ANO5: variants seen among roughly 807,000 people sequenced by gnomAD.
The protein encoded by ANO5 is anoctamin-5.
Under a neutral mutation model 121.0 loss-of-function variants are expected in ANO5, and 109 were observed. The observed-to-expected ratio is 0.90, with a 90% CI of 0.77 to 1.06. The LOEUF is 1.06. Ranked by LOEUF, ANO5 falls within the 50% of genes least tolerant of loss-of-function variation. The probability of loss-of-function intolerance (pLI) is 0.00; values close to 1 mark genes in which losing one functional copy is unlikely to be tolerated. For missense variants in ANO5, 1,064 were observed against 1,078.5 expected (o/e 0.99, Z 0.19); for synonymous variants, 406 against 359.9 (o/e 1.13, Z -1.45).
intron 1 of ANO5, among the ~76,000 whole-genome samples, chr11:22,201,536 C>A (rs1851963700): frequency 6.6e-6 from 1 of 152,006 alleles, no homozygotes; most frequent in African/African-American, 2.4e-5. Flanking sequence ...GTGTTATTCC[C>A]TTTTGTGCTG....
At chr11:22,226,155 T>C (rs1852825652) in intron 6 of ANO5, 103 bp downstream of exon 6, 2 of 932,500 alleles carry the variant, frequency 2.1e-6, no homozygotes, top group Non-Finnish European at 1.7e-6. Flanking sequence ...GGCAATACAA[T>C]AGCTCTTTTG....
chr11:22,235,843 C>T lies in ANO5; in HGVS notation c.649-320C>T, dbSNP rs960279398. Among the ~76,000 whole-genome samples, 6 of 152,102 alleles carry T rather than the reference C, an allele frequency of 3.9e-5. No homozygotes were observed. In the South Asian group the frequency reaches 1.2e-3, roughly 31 times the overall value. On this transcript the variant is annotated intron_variant, in intron 7 of 21. Transcript: ENST00000324559. ...GAACTGTTAGTAGTGACATTAGTAT[C>T]CTACTTGAAGCCCTAATTATAGTAG... is the stretch of plus-strand genomic sequence containing the variant.
At chr11:22,216,813 GT>G (rs200758957) in intron 3 of ANO5, among the ~76,000 whole-genome samples, 3,797 of 151,836 alleles carry the variant, frequency 0.025, 57 homozygotes, top group Non-Finnish European at 0.039. Context: ...TATAGTTTTA[GT>G]TTTTATGTTT....
chr11:22,276,803 T>C (rs547831704), intron 21 of ANO5, among the ~76,000 whole-genome samples: 16 of 151,604 alleles, frequency 1.1e-4, no homozygotes, highest in African/African-American at 3.1e-4. Context: ...ATACAAATCA[T>C]AGGGCAAGAA....
chr11:22,236,091 T>C (rs1167217421), intron 7 of ANO5, 72 bp from the exon 8 acceptor site: 2 of 989,296 alleles, frequency 2.0e-6, no homozygotes, highest in Non-Finnish European at 3.2e-6. Flanking sequence ...CATTGTTAAA[T>C]TGTGATTGAA....
intron 17 of ANO5, among the ~76,000 whole-genome samples, chr11:22,269,321 GAAA>G (rs1204584818): frequency 1.2e-5 from 1 of 82,736 alleles, no homozygotes; most frequent in Admixed American, 1.5e-4. Flanking sequence ...GAAGGAAGGA[GAAA>G]AAAAGAAAGA....
Position 22,279,625 on chromosome 11 carries a change from G to C in ANO5, c.2602G>C (p.Glu868Gln). Residue 868 changes from glutamate to glutamine, a missense_variant, in exon 22 of 22, where the codon GAA (glutamate) becomes CAA (glutamine). Physicochemically the swap from Glu to Gln is conservative, Grantham distance 29. Coordinates refer to ENST00000324559, the MANE Select transcript of ANO5 (RefSeq NM_213599.3). ...AGATGTTGTGGAGAGAATCAAGAGA[G>C]AAAAGTTAATGACTATCAAGATTCT... ...PKDVVERIKR[E>Q]KLMTIKILHD... The C allele has an allele frequency of 6.2e-7, 1 of 1,613,022 alleles. No individual in the cohort carries two copies.
chr11:22,279,460 A>G, intron 21 of ANO5, 84 bp from the exon 22 acceptor site: 1 of 1,179,730 alleles, frequency 8.5e-7, no homozygotes, highest in Admixed American at 1.8e-5. Flanking sequence ...AGTTTCTTAA[A>G]TAAGTGAAAT....
intron 4 of ANO5, among the ~76,000 whole-genome samples, chr11:22,218,614 G>C (rs1403183137): frequency 6.6e-6 from 1 of 152,044 alleles, no homozygotes; most frequent in African/African-American, 2.4e-5. Context: ...AGGCTGGAGT[G>C]CAGTGGTGCA....
chr11:22,207,824 T>G (rs1355033007), intron 2 of ANO5, among the ~76,000 whole-genome samples: 3 of 151,916 alleles, frequency 2.0e-5, no homozygotes, highest in Admixed American at 6.6e-5. Flanking sequence ...CCCATAAAAT[T>G]TAAATATTTT....
intron 3 of ANO5, among the ~76,000 whole-genome samples, chr11:22,211,774 G>A (rs1564914598): frequency 1.3e-5 from 2 of 151,890 alleles, no homozygotes; most frequent in Middle Eastern, 3.4e-3. Context: ...TTAAAAGGTT[G>A]GTAAGGGGAC....
intron 17 of ANO5, among the ~76,000 whole-genome samples, chr11:22,267,404 C>T (rs530845115): frequency 7.3e-5 from 11 of 151,176 alleles, no homozygotes; most frequent in South Asian, 2.1e-4. Context: ...GTTCCTTTTT[C>T]GTATGCTCCA....
At chr11:22,234,883 A>G (rs1853163281) in intron 7 of ANO5, among the ~76,000 whole-genome samples, 1 of 152,100 alleles carries the variant, frequency 6.6e-6, no homozygotes, top group Non-Finnish European at 1.5e-5. Flanking sequence ...GACTTGACCA[A>G]ACTTTAATTA....
At chr11:22,241,620 T>G (rs1259327875) in intron 9 of ANO5, among the ~76,000 whole-genome samples, 1 of 152,152 alleles carries the variant, frequency 6.6e-6, no homozygotes, top group African/African-American at 2.4e-5. Flanking sequence ...GATTGCGGTT[T>G]TGATTTGCAT....
chr11:22,279,882 T>A lies in ANO5; in HGVS notation c.*117T>A. 1 of 932,256 alleles carries A rather than the reference T, an allele frequency of 1.1e-6. No homozygotes were observed. The highest frequency in any genetic ancestry group is 1.6e-6 in the Non-Finnish European group (1 of 626,340). The allele number at this position is 932,256 out of a possible 1,614,324, so 57.7% of individuals were successfully genotyped here. On this transcript the variant is annotated 3_prime_UTR_variant, in exon 22 of 22. Coordinates refer to ENST00000324559, the MANE Select transcript of ANO5 (RefSeq NM_213599.3). The stretch of plus-strand genomic sequence containing the variant: ...ACCCTTTCTTTTTTTTTTTTTTCTT[T>A]TTTTTTTTAAACTCAAAGTTTTTAT...
At chr11:22,239,805 A>T in intron 9 of ANO5, 121 bp downstream of exon 9, 1 of 743,628 alleles carries the variant, frequency 1.3e-6, no homozygotes, top group South Asian at 1.5e-5. Context: ...TCTTGATTTC[A>T]TATCTACACT....
chr11:22,231,652 G>A (rs1479606704), intron 7 of ANO5, among the ~76,000 whole-genome samples: 2 of 151,854 alleles, frequency 1.3e-5, no homozygotes, highest in African/African-American at 4.8e-5. Flanking sequence ...AAACAACTCA[G>A]TTTGCAAGCT....
At chr11:22,192,917 T>G (rs1391689504), upstream of ANO5, 212 of 941,022 alleles carry the variant, frequency 2.3e-4, no homozygotes, top group Admixed American at 3.7e-4. Context: ...TGGGGACGGC[T>G]TGAGCGGAGA....
chr11:22,256,517 G>T (rs1854004494), intron 13 of ANO5, among the ~76,000 whole-genome samples: 1 of 152,068 alleles, frequency 6.6e-6, no homozygotes, highest in African/African-American at 2.4e-5. Context: ...TATATTAAAA[G>T]ATACTGACAG....
Sources: gnomAD v4.1 joint callset for allele counts (sites outside exome capture counted in the v4.1 genomes callset) on GRCh38, gnomAD v4.1.1 for gene constraint, MANE v1.5 for transcripts, NCBI Gene and HGNC (gene_info 2026-07-23, HGNC 2026-07-21) for gene names.